The following DENND3 variants were observed in gnomAD, a reference collection of about 807,000 sequenced individuals.
The protein encoded by DENND3 is DENN domain-containing protein 3.
In DENND3, 88 loss-of-function variants were observed where a neutral mutation model predicts 135.1. The observed-to-expected ratio is 0.65, with a 90% CI of 0.55 to 0.78. The LOEUF is 0.78. Ranked by LOEUF, DENND3 falls within the 30% of genes least tolerant of loss-of-function variation. DENND3 has a pLI of 0.00. For missense variants in DENND3, 1,392 were observed against 1,688.4 expected (o/e 0.82, Z 3.08); for synonymous variants, 693 against 712.3 (o/e 0.97, Z 0.43).
intron 13 of DENND3, chr8:141,173,709 G>GGGATCTGA (rs551850145): frequency 3.3e-5 from 5 of 152,336 alleles, no homozygotes; most frequent in South Asian, 4.1e-4. Flanking sequence ...TTTCAGACTC[G>GGGATCTGA]GGATCTGAGG....
chr8:141,189,016 G>A lies in DENND3; in HGVS notation c.3115G>A (p.Val1039Met). The stretch of plus-strand genomic sequence containing the variant: ...CATGGTGATGGCCGACCAGAACCAG[G>A]TGTGGGTTGGCTCGGAAGACTCCGT... ...NCMVMADQNQVWVGSEDSVIY... is the reference protein window; with the variant it reads ...NCMVMADQNQMWVGSEDSVIY... The change falls in exon 19 of 23, where the codon GTG becomes ATG. Residue 1039 changes from valine to methionine, a missense_variant. Physicochemically the swap from Val to Met is conservative, Grantham distance 21. Coordinates refer to ENST00000519811, the MANE Select transcript of DENND3 (RefSeq NM_001352890.3). 1.2e-6 allele frequency: 2 copies of A among 1,614,100 alleles called. No individual in the cohort carries two copies. The highest frequency in any genetic ancestry group is 1.7e-6 in the Non-Finnish European group (2 of 1,179,994).
rs370430690 is a variant in DENND3, at chr8:141,192,650, G to A, written c.3623G>A (p.Arg1208Gln). The A allele has an allele frequency of 1.1e-5, 18 of 1,606,262 alleles. No homozygotes were observed. Among genetic ancestry groups the A allele is most frequent in the African/African-American group, 2.7e-5 (2 of 74,838 alleles). ...EDCSEINCMI[R>Q]VKKQVWVGSR... The stretch of plus-strand genomic sequence containing the variant: ...TGCTCTGAGATCAACTGCATGATCC[G>A]GGTGAAGAAGCAGGTAGGGTGGAGG... The change falls in exon 22 of 23, where the codon CGG becomes CAG. Residue 1208 changes from arginine to glutamine, a missense_variant. Coordinates refer to ENST00000519811, the MANE Select transcript of DENND3 (RefSeq NM_001352890.3).
chr8:141,145,803 T>TTTTATATATA (rs1246792571), intron 5 of DENND3, among the ~76,000 whole-genome samples: 2 of 87,122 alleles, frequency 2.3e-5, no homozygotes, highest in Non-Finnish European at 4.5e-5. Context: ...ATATTGAATA[T>TTTTATATATA]TATATATATA....
At chr8:141,165,467 T>C (rs1014721403) in intron 11 of DENND3, among the ~76,000 whole-genome samples, 178 bp downstream of exon 11, 6 of 150,020 alleles carry the variant, frequency 4.0e-5, no homozygotes, top group South Asian at 2.1e-4. Flanking sequence ...ACTTCTTCTT[T>C]TTTTTTTTTT....
chr8:141,163,017 C>A (rs1820334953), intron 9 of DENND3, among the ~76,000 whole-genome samples: 3 of 152,288 alleles, frequency 2.0e-5, no homozygotes, highest in South Asian at 4.2e-4. Context: ...CCTCTGGGCT[C>A]CCCACCCTGA....
chr8:141,176,454 G>A, intron 14 of DENND3, 137 bp from the exon 15 acceptor site: 1 of 1,076,370 alleles, frequency 9.3e-7, no homozygotes, highest in East Asian at 2.6e-5. Context: ...CCGGGGCCCT[G>A]CCTTCCACAT....
At chr8:141,190,198 C>G in intron 19 of DENND3, 86 bp from the exon 20 acceptor site, 1 of 1,427,562 alleles carries the variant, frequency 7.0e-7, no homozygotes, top group Non-Finnish European at 9.2e-7. Flanking sequence ...TCTCTCATGG[C>G]GACTTGGTTC....
In DENND3 at chr8:141,175,212, A is replaced by G; in HGVS notation, c.2288A>G (p.Gln763Arg). Residue 763 changes from glutamine (Q) to arginine (R), a missense_variant, in exon 14 of 23, where the codon CAA becomes CGA. Gln to Arg is a conservative substitution (Grantham distance 43). Transcript: ENST00000519811. This position sits in a 1 kb window ranked among gnomAD's most constrained non-coding sequence, Gnocchi z 5.4. ...FEALTVGQEKQIDPETFKDFY... is the reference protein window; with the variant it reads ...FEALTVGQEKRIDPETFKDFY... ...TTATCAAACTAAGGACAGGAGAAAC[A>G]AATCGACCCAGAAACATTCAAAGAT... 1 of 1,613,588 alleles carries G rather than the reference A, an allele frequency of 6.2e-7. No individual in the cohort carries two copies.
rs911902346 is a variant in DENND3, at chr8:141,175,851, A to G, written c.2535+392A>G. 5 of 269,244 alleles carry G rather than the reference A, an allele frequency of 1.9e-5. No individual in the cohort carries two copies. Among genetic ancestry groups the G allele is most frequent in the Admixed American group, 9.9e-5 (2 of 20,188 alleles). The allele number at this position is 269,244 out of a possible 1,614,324, so 16.7% of individuals were successfully genotyped here. A position where few individuals can be genotyped will look rare whatever the true frequency, so the allele number is the denominator to read the frequency against. On this transcript the variant is annotated intron_variant, in intron 14 of 22. Coordinates refer to ENST00000519811, the MANE Select transcript of DENND3 (RefSeq NM_001352890.3). This position sits in a 1 kb window ranked among gnomAD's most constrained non-coding sequence, Gnocchi z 5.4. ...GCCACGGTGAGCTACAGTAGCTCAC[A>G]TTTTCTAGTCACAGTCGGACCTGGT...
chr8:141,186,018 C>A (rs1056142308), intron 18 of DENND3, among the ~76,000 whole-genome samples: 5 of 151,356 alleles, frequency 3.3e-5, no homozygotes, highest in African/African-American at 9.7e-5. Flanking sequence ...TCATGGCTCA[C>A]TGCAGCCTCG....
At position 141,182,278 on chromosome 8, in the gene DENND3, G is replaced by A. The variant is rs1483033560; in HGVS notation, c.2944+1424G>A. ...TCAGGTGGGCAGAGAAGCTGTGTGT[G>A]AAGCGATTTCCCCATAAGAGAGTTT... On this transcript the variant is annotated intron_variant, in intron 17 of 22. Coordinates refer to ENST00000519811, the MANE Select transcript of DENND3 (RefSeq NM_001352890.3). The surrounding 1 kb of genome is among the most constrained non-coding windows in gnomAD (Gnocchi z 5.9). 1.0e-6 allele frequency: 1 copy of A among 984,040 alleles called. No homozygotes were observed. Among genetic ancestry groups the A allele is most frequent in the Non-Finnish European group, 1.2e-6 (1 of 828,870 alleles). 61.0% of individuals were successfully genotyped at this position (984,040 alleles called of 1,614,324 possible). A position where few individuals can be genotyped will look rare whatever the true frequency, so the allele number is the denominator to read the frequency against.
rs753776160 is a variant in DENND3 at position 141,139,090 on chromosome 8, C to T, written c.501+953C>T. Among the ~76,000 whole-genome samples, 2 of 152,076 alleles carry T rather than the reference C, an allele frequency of 1.3e-5. No homozygotes were observed. The highest frequency in any genetic ancestry group is 2.9e-5 in the Non-Finnish European group (2 of 68,032). On this transcript the variant is annotated intron_variant, in intron 3 of 22. Coordinates refer to ENST00000519811, the MANE Select transcript of DENND3 (RefSeq NM_001352890.3). The surrounding 1 kb of genome is among the most constrained non-coding windows in gnomAD (Gnocchi z 4.2). ...AAGGTGCAGGGTGACCTGCTGCACA[C>T]GTCCAGAGGGTTTCCCGAAGCAAAA...
intron 4 of DENND3, chr8:141,142,617 T>A (rs938018208): frequency 9.5e-6 from 3 of 316,070 alleles, no homozygotes; most frequent in Non-Finnish European, 1.9e-5. Context: ...AGAGGTGACT[T>A]GGTCGTAGCC....
At chr8:141,156,193 A>G (rs556236) in intron 8 of DENND3, among the ~76,000 whole-genome samples, 105,281 of 151,976 alleles carry the variant, frequency 0.69, 36,922 homozygotes, top group African/African-American at 0.79. Context: ...TCTGCCTCCC[A>G]CGTTCAAGCG....
At position 141,128,910 on chromosome 8, in the gene DENND3, T is replaced by A; in HGVS notation, c.102+101T>A. 1.1e-6 allele frequency: 1 copy of A among 891,626 alleles called. No homozygotes were observed. 55.2% of individuals were successfully genotyped at this position (891,626 alleles called of 1,614,324 possible). A position where few individuals can be genotyped will look rare whatever the true frequency, so the allele number is the denominator to read the frequency against. On this transcript the variant is annotated intron_variant, in intron 1 of 22. Transcript: ENST00000519811. This position sits in a 1 kb window ranked among gnomAD's most constrained non-coding sequence, Gnocchi z 4.5. Reference sequence around the variant, plus strand: ...GGGTGCCCTGTGGGTTGGCGCGGACTTTCCGAGGGCTGAGTCCCGGTCCCC... The same window carrying A: ...GGGTGCCCTGTGGGTTGGCGCGGACATTCCGAGGGCTGAGTCCCGGTCCCC...
At chr8:141,190,554 G>A in intron 20 of DENND3, 137 bp downstream of exon 20, 1 of 1,323,530 alleles carries the variant, frequency 7.6e-7, no homozygotes, top group Non-Finnish European at 9.9e-7. Flanking sequence ...TTCCCTTTCT[G>A]TGGTCGCAGC....
In DENND3 at chr8:141,141,403, G is replaced by T; in HGVS notation, c.623+79G>T. The T allele has an allele frequency of 4.5e-6, 7 of 1,546,144 alleles. No homozygotes were observed. Among genetic ancestry groups the T allele is most frequent in the South Asian group, 1.1e-5 (1 of 88,006 alleles). The stretch of plus-strand genomic sequence containing the variant: ...TCCAGGTGAGCCAAGGGACCAGGGG[G>T]CTGGAGGTGGTGGGGGGGCAGCTCT... On this transcript the variant is annotated intron_variant, in intron 4 of 22. Coordinates refer to ENST00000519811, the MANE Select transcript of DENND3 (RefSeq NM_001352890.3). This position sits in a 1 kb window ranked among gnomAD's most constrained non-coding sequence, Gnocchi z 5.3.
chr8:141,143,995 C>A, intron 4 of DENND3, 153 bp from the exon 5 acceptor site: 1 of 617,516 alleles, frequency 1.6e-6, no homozygotes, highest in Non-Finnish European at 2.8e-6. Context: ...ACTCTGCTGT[C>A]ACCCAGCAGC....
At chr8:141,181,054 C>T (rs574554043) in intron 17 of DENND3, among the ~76,000 whole-genome samples, 200 bp downstream of exon 17, 13 of 152,338 alleles carry the variant, frequency 8.5e-5, no homozygotes, top group Middle Eastern at 3.4e-3. Context: ...CTCAGCCTCA[C>T]GGTGACTGGA....
Sources: gnomAD v4.1 joint callset for allele counts (sites outside exome capture counted in the v4.1 genomes callset) on GRCh38, gnomAD v4.1.1 for gene constraint, Gnocchi (gnomAD v3.1) non-coding constraint, MANE v1.5 for transcripts, NCBI Gene and HGNC (gene_info 2026-07-23, HGNC 2026-07-21) for gene names.